Variants in ZSCAN18 observed in about 807,000 individuals in gnomAD.
ZSCAN18 encodes zinc finger and SCAN domain containing 18.
A neutral mutation model predicts 31.1 loss-of-function variants in ZSCAN18; 16 were observed. The observed-to-expected ratio is 0.51, with a 90% CI of 0.35 to 0.78. The LOEUF is 0.78. Among genes scored for constraint, ZSCAN18 ranks in the 30% least tolerant of loss-of-function variants. The pLI, the probability that ZSCAN18 is intolerant of heterozygous loss-of-function variation, is 0.01. For missense variants in ZSCAN18, 731 were observed against 697.4 expected, an observed-to-expected ratio of 1.05 and a Z score of -0.54; for synonymous variants, 375 against 320.7, an observed-to-expected ratio of 1.17 and a Z score of -1.81.
chr19:58,086,490 C>T, intron 5 of ZSCAN18: 1 of 519,988 alleles, frequency 1.9e-6, no homozygotes, highest in Non-Finnish European at 3.4e-6. Context: ...TCAGAGAAAG[C>T]AAAGCTAAAG....
intron 1 of ZSCAN18, among the ~76,000 whole-genome samples, chr19:58,106,961 C>CTCT (rs1399849944): frequency 4.6e-5 from 7 of 151,712 alleles, no homozygotes; most frequent in African/African-American, 1.7e-4. Flanking sequence ...GATGAGGTTT[C>CTCT]AGCATGTTGG....
chr19:58,099,367 T>C (rs1331750071), upstream of ZSCAN18, among the ~76,000 whole-genome samples: 1 of 152,180 alleles, frequency 6.6e-6, no homozygotes, highest in Non-Finnish European at 1.5e-5. Context: ...TGTGGCCTCT[T>C]CAGATTGGCT....
chr19:58,113,851 G>A (rs1362870896), intron 1 of ZSCAN18, among the ~76,000 whole-genome samples: 11 of 151,864 alleles, frequency 7.2e-5, no homozygotes, highest in African/African-American at 2.4e-4. Context: ...GGTGGCATGC[G>A]CCTGAAATCC....
intron 5 of ZSCAN18, chr19:58,086,504 G>C (rs372576703): frequency 2.0e-6 from 1 of 509,086 alleles, no homozygotes; most frequent in African/African-American, 1.9e-5. Flanking sequence ...GCTAAAGAAA[G>C]ACATTGACAA....
Position 58,088,779 on chromosome 19 carries a change from C to A in ZSCAN18, c.462G>T (p.Glu154Asp). 6.2e-7 allele frequency: 1 copy of A among 1,612,346 alleles called. No homozygotes were observed. Among genetic ancestry groups the A allele is most frequent in the Non-Finnish European group, 8.5e-7 (1 of 1,179,996 alleles). ...SSSILSDGVY[E>D]RHMDPLLLPG... is the part of the protein sequence containing the mutation. ...GTAGCAGCAGAGGGTCCATGTGCCT[C>A]TCGTACACTCCATCGCTAAGAATTG... Residue 154 changes from glutamate to aspartate, a missense_variant, in exon 3 of 7, where the codon GAG becomes GAT. Coordinates refer to ENST00000601144, the MANE Select transcript of ZSCAN18 (RefSeq NM_001145543.2).
chr19:58,086,795 G>A, intron 5 of ZSCAN18, 111 bp downstream of exon 5: 1 of 756,414 alleles, frequency 1.3e-6, no homozygotes, highest in East Asian at 2.6e-5. Context: ...TTCAAATCCT[G>A]TAAGACATCA....
At chr19:58,098,392 T>C, upstream of ZSCAN18, 1 of 985,390 alleles carries the variant, frequency 1.0e-6, no homozygotes, top group Non-Finnish European at 1.2e-6. Context: ...TCCCGCCCAC[T>C]CCGGCGCCTG....
chr19:58,113,666 G>GT (rs529229773), intron 1 of ZSCAN18, among the ~76,000 whole-genome samples: 2 of 152,106 alleles, frequency 1.3e-5, no homozygotes, highest in Non-Finnish European at 2.9e-5. Flanking sequence ...CACAACCGTG[G>GT]TAAGACTTGG....
chr19:58,086,109 C>T, intron 6 of ZSCAN18, 65 bp downstream of exon 6: 6 of 1,451,420 alleles, frequency 4.1e-6, no homozygotes, highest in Non-Finnish European at 5.8e-6. Flanking sequence ...TGGGAGGGGC[C>T]CCCTCAGCCT....
intron 1 of ZSCAN18, among the ~76,000 whole-genome samples, chr19:58,116,665 A>G (rs1291538979): frequency 1.3e-5 from 2 of 152,148 alleles, no homozygotes; most frequent in Non-Finnish European, 2.9e-5. Context: ...TGCAAGCTCC[A>G]TCATCATCAC....
intron 1 of ZSCAN18, among the ~76,000 whole-genome samples, chr19:58,092,041 A>T (rs374940579): frequency 6.6e-6 from 1 of 152,170 alleles, no homozygotes; most frequent in African/African-American, 2.4e-5. Flanking sequence ...GATTCCACAG[A>T]AATGAAACAT....
At chr19:58,114,001 G>A (rs1019486127) in intron 1 of ZSCAN18, among the ~76,000 whole-genome samples, 2 of 151,934 alleles carry the variant, frequency 1.3e-5, no homozygotes, top group African/African-American at 4.8e-5. Context: ...TGGGCGTGGT[G>A]GCTCGCGCCT....
At chr19:58,089,561 G>A (rs1051012360) in intron 2 of ZSCAN18, among the ~76,000 whole-genome samples, 33 of 152,334 alleles carry the variant, frequency 2.2e-4, no homozygotes, top group African/African-American at 7.2e-4. Context: ...AGGAGGTGGA[G>A]GTTGCAGTGA....
chr19:58,107,962 T>G (rs2074648710), intron 1 of ZSCAN18: 3 of 1,063,112 alleles, frequency 2.8e-6, no homozygotes, highest in Non-Finnish European at 3.5e-6. Context: ...TGGTGCCAGA[T>G]GAGGCCCGCG....
chr19:58,090,151 C>G lies in ZSCAN18; in HGVS notation c.117G>C (p.Glu39Asp), dbSNP rs766285996. 3 of 1,613,710 alleles carry G rather than the reference C, an allele frequency of 1.9e-6. No individual in the cohort carries two copies. The highest frequency in any genetic ancestry group is 2.5e-6 in the Non-Finnish European group (3 of 1,179,954). ...VQQEEPETIP[E>D]RTPADLEFSR... is the part of the protein sequence containing the mutation. ...AGAACTCCAGGTCAGCAGGGGTCCT[C>G]TCAGGGATGGTCTCGGGTTCTTCCT... is the stretch of plus-strand genomic sequence containing the variant. The change falls in exon 2 of 7, where the codon GAG becomes GAC. Residue 39 changes from glutamate to aspartate, a missense_variant. Physicochemically the swap from Glu to Asp is conservative, Grantham distance 45 (BLOSUM62 2). Around this residue, in one of 4 missense-constraint regions of ZSCAN18, gnomAD observed 86 missense variants for 119.1 expected, o/e 0.72. Transcript: ENST00000601144. This position sits in a 1 kb window ranked among gnomAD's most constrained non-coding sequence, Gnocchi z 4.7.
At chr19:58,094,819 AG>A (rs2074488518) in intron 1 of ZSCAN18, among the ~76,000 whole-genome samples, 1 of 141,158 alleles carries the variant, frequency 7.1e-6, no homozygotes, top group Non-Finnish European at 1.5e-5. Flanking sequence ...TCAAGGCTTC[AG>A]TGAGCTGTGA....
At position 58,090,563 on chromosome 19, in the gene ZSCAN18, T is replaced by G. The variant is rs1261416998; in HGVS notation, c.-119-177A>C. The G allele has an allele frequency of 5.4e-6, 3 of 551,844 alleles. No individual in the cohort carries two copies. The highest frequency in any genetic ancestry group is 9.1e-6 in the Non-Finnish European group (3 of 328,422). 34.2% of individuals were successfully genotyped at this position (551,844 alleles called of 1,614,324 possible). A position where few individuals can be genotyped will look rare whatever the true frequency, so the allele number is the denominator to read the frequency against. The stretch of plus-strand genomic sequence containing the variant: ...ATGTAGATAAAAAGTAGCATGTAAA[T>G]GGAGGGTAACTCATTCTGTGCATTA... On this transcript the variant is annotated intron_variant, in intron 1 of 6. Transcript: ENST00000601144. The surrounding 1 kb of genome is among the most constrained non-coding windows in gnomAD (Gnocchi z 4.7).
chr19:58,109,401 C>G lies in ZSCAN18; in HGVS notation c.130+8866G>C, dbSNP rs1406831540. Reference sequence around the variant, plus strand: ...ACATTAAAATCAGCCAGGCCAGTATCTATTATATCTGATGCTGTGCCCATT... The same window carrying G: ...ACATTAAAATCAGCCAGGCCAGTATGTATTATATCTGATGCTGTGCCCATT... On this transcript the variant is annotated intron_variant, in intron 1 of 1. Coordinates refer to the ZSCAN18 transcript ENST00000595721. 5 of 1,207,728 alleles carry G rather than the reference C, an allele frequency of 4.1e-6. No individual in the cohort carries two copies. In the African/African-American group the frequency reaches 6.3e-5, roughly 15 times the overall value. 74.8% of individuals were successfully genotyped at this position (1,207,728 alleles called of 1,614,324 possible).
intron 1 of ZSCAN18, among the ~76,000 whole-genome samples, chr19:58,117,114 G>C (rs777468450): frequency 6.6e-6 from 1 of 152,174 alleles, no homozygotes; most frequent in Non-Finnish European, 1.5e-5. Flanking sequence ...CCAGCTAACT[G>C]AATTCTGGAA....
Sources: allele counts gnomAD v4.1 joint callset (sites outside exome capture counted in the v4.1 genomes callset), GRCh38; gene constraint gnomAD v4.1.1; regional missense constraint gnomAD v4.1.1; non-coding constraint Gnocchi (gnomAD v3.1); transcripts MANE v1.5; gene names NCBI Gene and HGNC (gene_info 2026-07-23, HGNC 2026-07-21).